CCDC178: variants seen among roughly 807,000 people sequenced by gnomAD.
CCDC178 encodes coiled-coil domain-containing protein 178.
A neutral mutation model predicts 117.4 loss-of-function variants in CCDC178; 126 were observed. The ratio of observed to expected loss-of-function variants is 1.07; its 90% CI spans 0.93 to 1.24. The LOEUF (loss-of-function observed/expected upper bound fraction) is 1.24. Among genes scored for constraint, CCDC178 ranks in the 50% most tolerant of loss-of-function variants. The pLI is 0.00. For synonymous variants in CCDC178, 283 were observed against 313.4 expected, an observed-to-expected ratio of 0.90 and a Z score of 1.02; for missense variants, 1,030 against 986.9, an observed-to-expected ratio of 1.04 and a Z score of -0.59.
At chr18:33,178,736 T>C (rs909339940) in intron 20 of CCDC178, among the ~76,000 whole-genome samples, 21 of 152,182 alleles carry the variant, frequency 1.4e-4, no homozygotes, top group African/African-American at 5.1e-4. Flanking sequence ...TTCTATCATA[T>C]ACTGTTTCTA....
At chr18:33,070,571 C>T (rs943491528) in intron 21 of CCDC178, among the ~76,000 whole-genome samples, 1 of 151,890 alleles carries the variant, frequency 6.6e-6, no homozygotes, top group Non-Finnish European at 1.5e-5. Flanking sequence ...ATACAGTTAC[C>T]TAGAAGGACT....
chr18:33,351,048 CA>C (rs907678933), intron 7 of CCDC178, among the ~76,000 whole-genome samples: 6 of 151,930 alleles, frequency 3.9e-5, no homozygotes, highest in African/African-American at 1.5e-4. Context: ...AGTTCCCTTA[CA>C]ATCTAGTTTT....
At chr18:33,202,950 AC>A (rs1293481981) in intron 20 of CCDC178, among the ~76,000 whole-genome samples, 1 of 152,190 alleles carries the variant, frequency 6.6e-6, no homozygotes, top group Non-Finnish European at 1.5e-5. Flanking sequence ...TTTTTATAGG[AC>A]ATATTTTTAA....
At chr18:32,941,404 AG>A (rs1255484445) in intron 22 of CCDC178, among the ~76,000 whole-genome samples, 2 of 152,116 alleles carry the variant, frequency 1.3e-5, no homozygotes, top group East Asian at 3.9e-4. Flanking sequence ...AAACGATAAA[AG>A]TAGGGAACAA....
At chr18:33,042,619 C>CT (rs1232964246) in intron 21 of CCDC178, among the ~76,000 whole-genome samples, 1 of 151,826 alleles carries the variant, frequency 6.6e-6, no homozygotes, top group Admixed American at 6.6e-5. Flanking sequence ...TGAATATGGA[C>CT]TGGGTATTAG....
At chr18:33,199,710 T>A (rs1301356804) in intron 20 of CCDC178, among the ~76,000 whole-genome samples, 2 of 152,176 alleles carry the variant, frequency 1.3e-5, no homozygotes, top group East Asian at 3.8e-4. Flanking sequence ...TGTGTCTTGA[T>A]ATTTCTTCTC....
chr18:33,215,494 C>T, intron 19 of CCDC178, 56 bp downstream of exon 19: 1 of 950,514 alleles, frequency 1.1e-6, no homozygotes, highest in South Asian at 2.5e-5. Flanking sequence ...GAAATTTGAT[C>T]TTATTTATTA....
intron 14 of CCDC178, among the ~76,000 whole-genome samples, chr18:33,252,678 G>A (rs770555614): frequency 4.6e-5 from 7 of 151,588 alleles, no homozygotes; most frequent in East Asian, 3.9e-4. Flanking sequence ...AGTAATATTC[G>A]AATTGCTATC....
intron 2 of CCDC178, among the ~76,000 whole-genome samples, chr18:33,429,561 T>A (rs1400367068): frequency 1.3e-5 from 2 of 152,230 alleles, no homozygotes; most frequent in Non-Finnish European, 2.9e-5. Flanking sequence ...ATGTTGTGAA[T>A]GTGAATATTA....
intron 3 of CCDC178, among the ~76,000 whole-genome samples, chr18:33,410,391 A>G (rs2063834043): frequency 6.6e-6 from 1 of 152,204 alleles, no homozygotes; most frequent in Admixed American, 6.5e-5. Context: ...TTCCAGAAAT[A>G]AAAACAAGCT....
chr18:33,126,611 T>C (rs924364323), intron 20 of CCDC178, among the ~76,000 whole-genome samples: 2 of 151,962 alleles, frequency 1.3e-5, no homozygotes, highest in South Asian at 4.2e-4. Context: ...AAGTTGGTCC[T>C]CCTGTATGCG....
At chr18:33,366,693 T>C (rs1425231936) in intron 6 of CCDC178, among the ~76,000 whole-genome samples, 2 of 151,986 alleles carry the variant, frequency 1.3e-5, no homozygotes, top group African/African-American at 4.8e-5. Flanking sequence ...TGACTACATA[T>C]TATATGTAAC....
chr18:33,400,717 C>T (rs537948219), intron 3 of CCDC178, among the ~76,000 whole-genome samples: 7 of 152,152 alleles, frequency 4.6e-5, no homozygotes, highest in Non-Finnish European at 7.3e-5. Context: ...AAACTTTCTT[C>T]GTATCAGCAA....
intron 20 of CCDC178, among the ~76,000 whole-genome samples, chr18:33,144,895 T>C (rs1283119902): frequency 1.3e-5 from 2 of 152,142 alleles, no homozygotes; most frequent in African/African-American, 4.8e-5. Flanking sequence ...TTGACCAAGA[T>C]CACCATTTTC....
At chr18:33,077,218 G>A (rs1202287176) in intron 21 of CCDC178, among the ~76,000 whole-genome samples, 1 of 152,148 alleles carries the variant, frequency 6.6e-6, no homozygotes, top group African/African-American at 2.4e-5. Context: ...TAATAAAAGA[G>A]GAGGAGAATA....
intron 5 of CCDC178, among the ~76,000 whole-genome samples, chr18:33,373,373 T>C (rs1253930266): frequency 1.3e-5 from 2 of 152,136 alleles, no homozygotes; most frequent in African/African-American, 4.8e-5. Flanking sequence ...AATACAATTT[T>C]TTTTTACTTG....
chr18:33,046,608 CATT>C (rs2056647448), intron 21 of CCDC178, among the ~76,000 whole-genome samples: 1 of 151,958 alleles, frequency 6.6e-6, no homozygotes, highest in Non-Finnish European at 1.5e-5. Context: ...ATTAAACAAG[CATT>C]ATCAATTTTA....
chr18:33,062,982 C>T (rs932001710), intron 21 of CCDC178, among the ~76,000 whole-genome samples: 8 of 152,158 alleles, frequency 5.3e-5, no homozygotes, highest in South Asian at 2.1e-4. Context: ...AGCTGGAGCC[C>T]GCATTCAGCA....
At chr18:33,208,548 G>A (rs1019650793) in intron 20 of CCDC178, among the ~76,000 whole-genome samples, 2 of 151,892 alleles carry the variant, frequency 1.3e-5, no homozygotes, top group African/African-American at 2.4e-5. Flanking sequence ...ATAGGGTTTC[G>A]GTCATTCAAC....
Sources: allele counts gnomAD v4.1 joint callset (sites outside exome capture counted in the v4.1 genomes callset), GRCh38; gene constraint gnomAD v4.1.1; transcripts MANE v1.5; gene names NCBI Gene and HGNC (gene_info 2026-07-23, HGNC 2026-07-21).